IMPG1: variants seen among roughly 807,000 people sequenced by gnomAD.
The protein encoded by IMPG1 is interphotoreceptor matrix proteoglycan 1.
A neutral mutation model predicts 92.0 loss-of-function variants in IMPG1; 85 were observed. That is an observed-to-expected ratio of 0.92 (90% CI 0.78 to 1.11). IMPG1 has a LOEUF of 1.11. Among genes scored for constraint, IMPG1 ranks in the 50% least tolerant of loss-of-function variants. The probability of loss-of-function intolerance (pLI) is 0.00; values close to 1 mark genes in which losing one functional copy is unlikely to be tolerated. For synonymous variants in IMPG1, 367 were observed against 334.1 expected, an observed-to-expected ratio of 1.10 and a Z score of -1.08; for missense variants, 1,022 against 956.0, an observed-to-expected ratio of 1.07 and a Z score of -0.91.
At chr6:76,063,382 C>G (rs922962053) in intron 1 of IMPG1, among the ~76,000 whole-genome samples, 2 of 152,070 alleles carry the variant, frequency 1.3e-5, no homozygotes, top group Admixed American at 6.6e-5. Context: ...AAGAAGGAAG[C>G]AAGAGGTTGT....
At chr6:76,001,115 GTA>G (rs1259352361) in intron 12 of IMPG1, among the ~76,000 whole-genome samples, 1 of 152,120 alleles carries the variant, frequency 6.6e-6, no homozygotes, top group Non-Finnish European at 1.5e-5. Context: ...GTGTTCTATG[GTA>G]TATTCATGAG....
chr6:76,016,307 TGTAA>T (rs1418894847), intron 7 of IMPG1, among the ~76,000 whole-genome samples: 3 of 152,224 alleles, frequency 2.0e-5, no homozygotes, highest in Non-Finnish European at 4.4e-5. Flanking sequence ...ATCAGATTGT[TGTAA>T]GTGTTTAGAA....
chr6:75,957,083 C>A (rs1375778852), intron 12 of IMPG1, among the ~76,000 whole-genome samples: 1 of 152,064 alleles, frequency 6.6e-6, no homozygotes, highest in Non-Finnish European at 1.5e-5. Flanking sequence ...CCATGCCTGG[C>A]AAATTTTTGT....
chr6:75,991,594 T>C (rs1020406402), intron 12 of IMPG1, among the ~76,000 whole-genome samples: 28 of 152,150 alleles, frequency 1.8e-4, no homozygotes, highest in Non-Finnish European at 3.5e-4. Flanking sequence ...TTTGACCACC[T>C]AACCTATGCC....
At chr6:76,033,672 C>G (rs550397771) in intron 4 of IMPG1, among the ~76,000 whole-genome samples, 1 of 152,080 alleles carries the variant, frequency 6.6e-6, no homozygotes, top group Non-Finnish European at 1.5e-5. Flanking sequence ...ATTCATATGG[C>G]CAAATTTGCG....
chr6:76,066,430 A>G (rs1784311784), intron 1 of IMPG1, among the ~76,000 whole-genome samples: 1 of 152,094 alleles, frequency 6.6e-6, no homozygotes, highest in Non-Finnish European at 1.5e-5. Flanking sequence ...ACAAAATAAA[A>G]CAGACACTAA....
chr6:76,045,459 T>TC (rs1172365093), intron 1 of IMPG1, among the ~76,000 whole-genome samples: 1 of 151,420 alleles, frequency 6.6e-6, no homozygotes, highest in Non-Finnish European at 1.5e-5. Context: ...TTTTTTTTTT[T>TC]TGGTATAACA....
At chr6:76,039,010 C>T (rs894669375) in intron 2 of IMPG1, among the ~76,000 whole-genome samples, 14 of 152,328 alleles carry the variant, frequency 9.2e-5, no homozygotes, top group Middle Eastern at 3.4e-3. Flanking sequence ...GGAATCAGGA[C>T]ACTGAGTTCT....
At chr6:76,038,395 TC>T (rs1277713752) in intron 2 of IMPG1, among the ~76,000 whole-genome samples, 1 of 152,202 alleles carries the variant, frequency 6.6e-6, no homozygotes, top group Non-Finnish European at 1.5e-5. Flanking sequence ...TCAGACTCTT[TC>T]TGAGGGGCAG....
In IMPG1 at chr6:75,931,086, G is replaced by A. The variant is rs10943299; in HGVS notation, c.2110C>T (p.Arg704Trp). Residue 704 changes from arginine (R) to tryptophan (W), a missense_variant, in exon 15 of 17, where the codon CGG becomes TGG. By Grantham distance (101) the Arg-to-Trp change is moderately radical. Around this residue, in one of 3 missense-constraint regions of IMPG1, gnomAD observed 332 missense variants for 346.2 expected, o/e 0.96. Coordinates refer to ENST00000369950, the MANE Select transcript of IMPG1 (RefSeq NM_001563.4). ...GEFAQCVKNE[R>W]TEEAECRCKP... ...CAGCGACACTCCGCTTCCTCAGTCC[G>A]TTCGTTCTTTACACATTGGGCAAAT... 215,624 of 1,613,908 alleles carry A rather than the reference G, an allele frequency of 0.13. 15,328 individuals carry two copies. The highest frequency in any genetic ancestry group is 0.21 in the Middle Eastern group (1,280 of 6,062).
At chr6:75,925,755 T>TC (rs1442668343) in intron 15 of IMPG1, among the ~76,000 whole-genome samples, 1 of 152,154 alleles carries the variant, frequency 6.6e-6, no homozygotes, top group African/African-American at 2.4e-5. Flanking sequence ...AACCTCCATC[T>TC]CCCAGGTTCA....
chr6:75,971,617 G>A (rs1782418902), intron 12 of IMPG1, among the ~76,000 whole-genome samples: 1 of 152,034 alleles, frequency 6.6e-6, no homozygotes, highest in Non-Finnish European at 1.5e-5. Flanking sequence ...TATAAATTTT[G>A]AGAAATATAC....
intron 12 of IMPG1, among the ~76,000 whole-genome samples, chr6:75,989,810 T>C (rs1241472844): frequency 6.6e-6 from 1 of 152,204 alleles, no homozygotes; most frequent in Non-Finnish European, 1.5e-5. Context: ...TCCACTGTAC[T>C]CCAGCCTGGG....
intron 8 of IMPG1, 59 bp from the exon 9 acceptor site, chr6:76,007,559 A>G: frequency 8.6e-7 from 1 of 1,160,280 alleles, no homozygotes; most frequent in Non-Finnish European, 1.2e-6. Context: ...AATGACATTT[A>G]TTGAGACATT....
At chr6:75,969,420 A>T (rs1270024584) in intron 12 of IMPG1, among the ~76,000 whole-genome samples, 1 of 152,150 alleles carries the variant, frequency 6.6e-6, no homozygotes, top group Non-Finnish European at 1.5e-5. Flanking sequence ...TGTATGTGAT[A>T]TATATAATTT....
At chr6:76,020,459 T>C (rs1267117650) in intron 6 of IMPG1, among the ~76,000 whole-genome samples, 2 of 152,212 alleles carry the variant, frequency 1.3e-5, no homozygotes, top group Non-Finnish European at 2.9e-5. Context: ...ATCTCTGATT[T>C]ATCTTGTAGA....
At chr6:76,021,999 C>A in intron 6 of IMPG1, 117 bp downstream of exon 6, 1 of 550,032 alleles carries the variant, frequency 1.8e-6, no homozygotes, top group Non-Finnish European at 3.5e-6. Flanking sequence ...TAACCAGAGT[C>A]ACAAAAATAC....
At position 76,020,780 on chromosome 6, in the gene IMPG1, C is replaced by G. The variant is rs576722353; in HGVS notation, c.666+1336G>C. Among the ~76,000 whole-genome samples, 3 of 152,272 alleles carry G rather than the reference C, an allele frequency of 2.0e-5. No homozygotes were observed. The East Asian group carries it at 5.8e-4, about 29-fold the overall frequency. ...AAGGGGTTTGGGGAGTCATGCCCTA[C>G]AAACCATAAATTCTCATCAGATGGG... On this transcript the variant is annotated intron_variant, in intron 6 of 16. Transcript: ENST00000369950.
intron 14 of IMPG1, chr6:75,934,933 G>GA (rs1399743089): frequency 2.1e-6 from 1 of 471,362 alleles, no homozygotes; most frequent in Non-Finnish European, 4.4e-6. Flanking sequence ...GTGTTGGACA[G>GA]AAAGTGATAC....
Sources: allele counts gnomAD v4.1 joint callset (sites outside exome capture counted in the v4.1 genomes callset), GRCh38; gene constraint gnomAD v4.1.1; regional missense constraint gnomAD v4.1.1; transcripts MANE v1.5; gene names NCBI Gene and HGNC (gene_info 2026-07-23, HGNC 2026-07-21).